The following SMIM36 variants were observed in gnomAD, a reference collection of about 807,000 sequenced individuals.
SMIM36 encodes the protein small integral membrane protein 36.
the SMIM36 span, among the ~76,000 whole-genome samples, chr17:55,521,126 G>C: frequency 0.61 from 92,935 of 151,652 alleles, 29,980 homozygotes; most frequent in African/African-American, 0.83. Context: ...GAGCAAGATT[G>C]CATCTCAAAA....
intron 4 of SMIM36, among the ~76,000 whole-genome samples, chr17:55,450,949 C>A (rs180759567): frequency 6.6e-6 from 1 of 152,152 alleles, no homozygotes; most frequent in Non-Finnish European, 1.5e-5. Context: ...TGCAGTGGCA[C>A]GATCATGGCT....
At chr17:55,474,207 G>T (rs897739405) in intron 3 of SMIM36, among the ~76,000 whole-genome samples, 7 of 152,196 alleles carry the variant, frequency 4.6e-5, no homozygotes, top group Non-Finnish European at 8.8e-5. Context: ...TGTCTGAGGG[G>T]TTTTGTCTGC....
intron 4 of SMIM36, among the ~76,000 whole-genome samples, chr17:55,455,511 T>G (rs1909001396): frequency 6.6e-6 from 1 of 152,172 alleles, no homozygotes; most frequent in Non-Finnish European, 1.5e-5. Flanking sequence ...CATTTGAGAC[T>G]GGGTGCAGTG....
chr17:55,515,086 G>GT (rs1158864125), upstream of SMIM36, among the ~76,000 whole-genome samples: 451 of 54,082 alleles, frequency 8.3e-3, 91 homozygotes, highest in South Asian at 0.013. Context: ...CTAGTCTAGT[G>GT]TTTTTTTTTT....
chr17:55,494,851 A>T (rs926250301), intron 1 of SMIM36, among the ~76,000 whole-genome samples: 2 of 152,194 alleles, frequency 1.3e-5, no homozygotes, highest in African/African-American at 4.8e-5. Context: ...ATCTTCACTG[A>T]CAGGAATGCA....
intron 1 of SMIM36, among the ~76,000 whole-genome samples, chr17:55,500,128 T>A (rs192671759): frequency 0.015 from 2,099 of 140,318 alleles, 49 homozygotes; most frequent in African/African-American, 0.026. Flanking sequence ...TTAAAAAAAA[T>A]TTTTTTTTTA....
At chr17:55,480,485 T>A (rs188160579) in intron 1 of SMIM36, among the ~76,000 whole-genome samples, 1 of 152,278 alleles carries the variant, frequency 6.6e-6, no homozygotes, top group East Asian at 1.9e-4. Context: ...GATCCAAGCA[T>A]CCATATTCTA....
the SMIM36 span, among the ~76,000 whole-genome samples, chr17:55,524,299 AC>A: frequency 6.6e-6 from 1 of 152,194 alleles, no homozygotes; most frequent in Non-Finnish European, 1.5e-5. Flanking sequence ...TATATGCACC[AC>A]ATTTTCTTTA....
At chr17:55,496,478 T>A (rs928402719) in intron 1 of SMIM36, among the ~76,000 whole-genome samples, 1 of 152,198 alleles carries the variant, frequency 6.6e-6, no homozygotes, top group Non-Finnish European at 1.5e-5. Context: ...AATCCTGGTG[T>A]TACAAAACCC....
At chr17:55,521,854 T>C in the SMIM36 span, among the ~76,000 whole-genome samples, 3 of 136,794 alleles carry the variant, frequency 2.2e-5, no homozygotes, top group East Asian at 2.0e-4. Context: ...TTCACCGCTT[T>C]GACTTTTTTT....
At chr17:55,529,674 C>A in the SMIM36 span, among the ~76,000 whole-genome samples, 4 of 151,938 alleles carry the variant, frequency 2.6e-5, no homozygotes, top group East Asian at 7.7e-4. Flanking sequence ...TGCTTGTAGT[C>A]CCATCTACCT....
At chr17:55,467,418 A>G in intron 3 of SMIM36, 90 bp from the exon 4 acceptor site, 1 of 150,500 alleles carries the variant, frequency 6.6e-6, no homozygotes, top group Non-Finnish European at 1.5e-5. Flanking sequence ...TTTTTTTGAG[A>G]CAGAGTCTCG....
intron 1 of SMIM36, among the ~76,000 whole-genome samples, chr17:55,500,769 T>TATAATATATAATATATTATATATTATA (rs1909897319): frequency 1.2e-5 from 1 of 80,954 alleles, no homozygotes; most frequent in African/African-American, 7.1e-5. Context: ...TTTTATATTT[T>TATAATATATAATATATTATATATTATA]ATAATATATA....
At chr17:55,455,626 C>T (rs768956603) in intron 4 of SMIM36, among the ~76,000 whole-genome samples, 57 of 151,734 alleles carry the variant, frequency 3.8e-4, no homozygotes, top group Non-Finnish European at 5.7e-4. Context: ...CTCGTCTCTA[C>T]GAAAAATCAA....
chr17:55,498,320 A>C (rs547464282), intron 1 of SMIM36, among the ~76,000 whole-genome samples: 2 of 152,274 alleles, frequency 1.3e-5, no homozygotes, highest in Non-Finnish European at 2.9e-5. Flanking sequence ...GGGGGACAAA[A>C]TTCAACCCAT....
At chr17:55,476,034 C>A (rs995361050) in intron 3 of SMIM36, among the ~76,000 whole-genome samples, 1 of 152,170 alleles carries the variant, frequency 6.6e-6, no homozygotes, top group Non-Finnish European at 1.5e-5. Flanking sequence ...CAACATTTCA[C>A]CACTATTTTG....
At chr17:55,518,125 T>C in the SMIM36 span, among the ~76,000 whole-genome samples, 1 of 152,194 alleles carries the variant, frequency 6.6e-6, no homozygotes, top group Admixed American at 6.5e-5. Flanking sequence ...AGATCTAAGA[T>C]TGAAGGGCCA....
the SMIM36 span, among the ~76,000 whole-genome samples, chr17:55,527,547 C>T: frequency 4.0e-4 from 61 of 152,244 alleles, no homozygotes; most frequent in African/African-American, 1.5e-3. Context: ...ACTAAAGTGA[C>T]CTGTCAGGGA....
At chr17:55,507,363 T>A (rs2144722282) in intron 1 of SMIM36, among the ~76,000 whole-genome samples, 1 of 137,434 alleles carries the variant, frequency 7.3e-6, no homozygotes, top group African/African-American at 2.9e-5. Flanking sequence ...AGTAAGAAAA[T>A]GTGGCACATA....
Sources: allele counts gnomAD v4.1 joint callset (sites outside exome capture counted in the v4.1 genomes callset), GRCh38; gene constraint gnomAD v4.1.1; transcripts MANE v1.5; gene names NCBI Gene and HGNC (gene_info 2026-07-23, HGNC 2026-07-21).